The following CELF2 variants were observed in gnomAD, a reference collection of about 807,000 sequenced individuals.
CELF2 encodes CUGBP Elav-like family member 2, also known as CUG triplet repeat RNA-binding protein 2.
Under a neutral mutation model 62.6 loss-of-function variants are expected in CELF2, and 8 were observed. The observed-to-expected ratio is 0.13, with a 90% CI of 0.07 to 0.23. CELF2 has a LOEUF of 0.23. Among genes scored for constraint, CELF2 ranks in the 10% least tolerant of loss-of-function variants. The probability of loss-of-function intolerance (pLI) is 1.00; values close to 1 mark genes in which losing one functional copy is unlikely to be tolerated. For missense variants in CELF2, 333 were observed against 671.0 expected (o/e 0.50, Z 5.56); for synonymous variants, 258 against 250.0 (o/e 1.03, Z -0.30).
chr10:10,829,418 A>G (rs1249452400), intron 1 of CELF2, among the ~76,000 whole-genome samples: 1 of 152,190 alleles, frequency 6.6e-6, no homozygotes, highest in African/African-American at 2.4e-5. Flanking sequence ...TTGATTGGCT[A>G]TATCACCCCA....
chr10:10,968,959 G>T (rs902656306), intron 2 of CELF2, among the ~76,000 whole-genome samples: 1 of 152,138 alleles, frequency 6.6e-6, no homozygotes, highest in Admixed American at 6.5e-5. Context: ...AAATGAAAAT[G>T]CACTATCTAG....
intron 2 of CELF2, among the ~76,000 whole-genome samples, chr10:11,170,874 A>G (rs1023262248): frequency 2.0e-5 from 3 of 152,236 alleles, no homozygotes; most frequent in East Asian, 1.9e-4. Context: ...AGCGTGTTCT[A>G]TAATGAACAC....
chr10:10,623,825 T>C, the CELF2 span, among the ~76,000 whole-genome samples: 1 of 152,240 alleles, frequency 6.6e-6, no homozygotes, highest in Admixed American at 6.5e-5. Flanking sequence ...CGAAATAGGG[T>C]TTATTATACC....
Position 11,214,003 on chromosome 10 carries a change from G to T in CELF2, c.272-3422G>T, listed in dbSNP as rs1260124619. Among the ~76,000 whole-genome samples the T allele has an allele frequency of 6.6e-6, 1 of 152,194 alleles. No individual in the cohort carries two copies. The highest frequency in any genetic ancestry group is 1.5e-5 in the Non-Finnish European group (1 of 68,042). On this transcript the variant is annotated intron_variant, in intron 2 of 12. Coordinates refer to ENST00000633077, the MANE Select transcript of CELF2 (RefSeq NM_001326342.2). This position sits in a 1 kb window ranked among gnomAD's most constrained non-coding sequence, Gnocchi z 4.2. ...GCTTTTTACTTACTGATGAGACTAG[G>T]CCGGGCACAGTAGCTCATGCCTATA...
chr10:10,557,582 T>G, the CELF2 span, among the ~76,000 whole-genome samples: 4 of 151,816 alleles, frequency 2.6e-5, no homozygotes, highest in African/African-American at 7.3e-5. Flanking sequence ...AAGGCATTGG[T>G]AGCTTGATGG....
At chr10:10,812,214 G>T (rs532750384) in intron 1 of CELF2, among the ~76,000 whole-genome samples, 4 of 152,290 alleles carry the variant, frequency 2.6e-5, no homozygotes, top group African/African-American at 9.6e-5. Flanking sequence ...CAAAAGGCAT[G>T]TCTTACATGG....
intron 1 of CELF2, among the ~76,000 whole-genome samples, chr10:10,889,654 T>C (rs2061997397): frequency 6.6e-6 from 1 of 152,212 alleles, no homozygotes; most frequent in Admixed American, 6.5e-5. Context: ...AATGTGCAGA[T>C]CTAGCTAGCC....
the CELF2 span, among the ~76,000 whole-genome samples, chr10:10,491,506 A>G: frequency 1.3e-5 from 2 of 152,178 alleles, no homozygotes; most frequent in African/African-American, 4.8e-5. Flanking sequence ...TTTCCTAAAT[A>G]TGGGTGGCTC....
chr10:10,561,809 A>T, the CELF2 span, among the ~76,000 whole-genome samples: 13 of 152,264 alleles, frequency 8.5e-5, no homozygotes, highest in African/African-American at 2.4e-4. Flanking sequence ...GGTGTCTTCT[A>T]GGACGGACAG....
chr10:10,790,977 C>T, the CELF2 span, among the ~76,000 whole-genome samples: 1 of 152,080 alleles, frequency 6.6e-6, no homozygotes, highest in South Asian at 2.1e-4. Flanking sequence ...TTAGTTTCCT[C>T]ACCTATAAAA....
intron 1 of CELF2, among the ~76,000 whole-genome samples, chr10:11,062,726 G>C (rs2067104858): frequency 6.6e-6 from 1 of 152,208 alleles, no homozygotes; most frequent in Admixed American, 6.5e-5. Context: ...GTACATTGTT[G>C]AAATGACAAA....
intron 2 of CELF2, among the ~76,000 whole-genome samples, chr10:10,971,126 TC>T (rs930843934): frequency 9.2e-5 from 14 of 152,290 alleles, no homozygotes; most frequent in African/African-American, 3.1e-4. Flanking sequence ...TGGCTTTCGT[TC>T]CCTGCCTCCT....
chr10:11,017,983 C>G lies in CELF2; in HGVS notation c.-107C>G. On this transcript the variant is annotated 5_prime_UTR_variant, in exon 1 of 13. Coordinates refer to ENST00000633077, the MANE Select transcript of CELF2 (RefSeq NM_001326342.2). This position sits in a 1 kb window ranked among gnomAD's most constrained non-coding sequence, Gnocchi z 5.5. Reference sequence around the variant, plus strand: ...GTGACAAGTGCCGGCTCGGCGGCCGCCGGGGGAGGCCGCGCGCACCTGTCC... The same window carrying G: ...GTGACAAGTGCCGGCTCGGCGGCCGGCGGGGGAGGCCGCGCGCACCTGTCC... 3.0e-6 allele frequency: 3 copies of G among 992,326 alleles called. No homozygotes were observed. Among genetic ancestry groups the G allele is most frequent in the Non-Finnish European group, 3.6e-6 (3 of 835,654 alleles). 61.5% of individuals were successfully genotyped at this position (992,326 alleles called of 1,614,324 possible). A position where few individuals can be genotyped will look rare whatever the true frequency, so the allele number is the denominator to read the frequency against.
chr10:10,818,546 C>CTTTTTTTTTTTTTTT (rs3028992), intron 1 of CELF2, among the ~76,000 whole-genome samples: 1 of 116,538 alleles, frequency 8.6e-6, no homozygotes. Flanking sequence ...TAAATATTTC[C>CTTTTTTTTTTTTTTT]TTTTTTTTTT....
intron 1 of CELF2, among the ~76,000 whole-genome samples, chr10:10,889,567 G>A (rs1040813389): frequency 6.6e-6 from 1 of 152,230 alleles, no homozygotes; most frequent in Non-Finnish European, 1.5e-5. Flanking sequence ...CAGGTGCTAT[G>A]TCTTCTCTCA....
At chr10:10,744,997 G>A in the CELF2 span, among the ~76,000 whole-genome samples, 1 of 151,992 alleles carries the variant, frequency 6.6e-6, no homozygotes, top group Non-Finnish European at 1.5e-5. Flanking sequence ...AGAGCTTTAA[G>A]GCTCAAGAAG....
chr10:11,084,873 A>G (rs556031661), intron 1 of CELF2, among the ~76,000 whole-genome samples: 18 of 152,314 alleles, frequency 1.2e-4, no homozygotes, highest in African/African-American at 3.8e-4. Flanking sequence ...GGTCATCAGT[A>G]TATACGCTTT....
At chr10:11,233,767 AT>A (rs1176488579) in intron 3 of CELF2, among the ~76,000 whole-genome samples, 4 of 152,186 alleles carry the variant, frequency 2.6e-5, no homozygotes, top group Non-Finnish European at 5.9e-5. Context: ...CACCTCTAGA[AT>A]TGCTCCGTCT....
chr10:10,808,780 T>C (rs184708964), intron 1 of CELF2, among the ~76,000 whole-genome samples: 13 of 152,272 alleles, frequency 8.5e-5, no homozygotes, highest in Admixed American at 2.0e-4. Context: ...CTTTCTCTCC[T>C]AGGAAGATTA....
Sources: allele counts gnomAD v4.1 joint callset (sites outside exome capture counted in the v4.1 genomes callset), GRCh38; gene constraint gnomAD v4.1.1; non-coding constraint Gnocchi (gnomAD v3.1); transcripts MANE v1.5; gene names NCBI Gene and HGNC (gene_info 2026-07-23, HGNC 2026-07-21).